Variants in SPON1 observed in about 807,000 individuals in gnomAD.
SPON1 encodes spondin 1.
Under a neutral mutation model 111.7 loss-of-function variants are expected in SPON1, and 52 were observed. The observed-to-expected ratio is 0.47, with a 90% CI of 0.37 to 0.59. SPON1 has a LOEUF of 0.59. Ranked by LOEUF, SPON1 falls within the 20% of genes least tolerant of loss-of-function variation. The probability of loss-of-function intolerance (pLI) is 0.00; values close to 1 mark genes in which losing one functional copy is unlikely to be tolerated. For missense variants in SPON1, 957 were observed against 1,068.5 expected (o/e 0.90, Z 1.46); for synonymous variants, 410 against 395.8 (o/e 1.04, Z -0.43).
chr11:14,174,815 T>G, intron 6 of SPON1, among the ~76,000 whole-genome samples: 1 of 152,170 alleles, frequency 6.6e-6, no homozygotes. Flanking sequence ...AAGCTGATTT[T>G]TAATCATAGT....
At chr11:14,165,591 A>G (rs1848020062) in intron 6 of SPON1, among the ~76,000 whole-genome samples, 1 of 152,224 alleles carries the variant, frequency 6.6e-6, no homozygotes, top group Admixed American at 6.5e-5. Flanking sequence ...ACAATTCCCA[A>G]TTTTAAAAGC....
intron 3 of SPON1, among the ~76,000 whole-genome samples, chr11:14,043,079 T>G (rs1214767542): frequency 6.6e-6 from 1 of 152,208 alleles, no homozygotes; most frequent in Non-Finnish European, 1.5e-5. Context: ...AACATGTCTA[T>G]AGTATCTAGT....
At chr11:14,042,593 A>G (rs573783537) in intron 3 of SPON1, among the ~76,000 whole-genome samples, 1 of 152,294 alleles carries the variant, frequency 6.6e-6, no homozygotes, top group Non-Finnish European at 1.5e-5. Flanking sequence ...CTAGCATCCA[A>G]GAAGTCACTT....
intron 6 of SPON1, among the ~76,000 whole-genome samples, chr11:14,177,104 C>A (rs6486174): frequency 6.6e-6 from 1 of 152,008 alleles, no homozygotes; most frequent in Non-Finnish European, 1.5e-5. Context: ...GCAGTGGCGC[C>A]ATCTCAGCTC....
At chr11:14,172,413 T>C (rs1336157360) in intron 6 of SPON1, among the ~76,000 whole-genome samples, 1 of 151,866 alleles carries the variant, frequency 6.6e-6, no homozygotes, top group Non-Finnish European at 1.5e-5. Flanking sequence ...GTTTCCTGAA[T>C]ACAGCACACT....
rs138949367 is a variant in SPON1 at position 14,181,128 on chromosome 11, G to T, written c.825+45560G>T. On this transcript the variant is annotated intron_variant, in intron 6 of 15. Coordinates refer to ENST00000576479, the MANE Select transcript of SPON1 (RefSeq NM_006108.4). ...TAGGCATGAACTCCAGAAGGAAAAA[G>T]ATTTCTGTCCAAAGGCTGATTTCAG... is the stretch of plus-strand genomic sequence containing the variant. 5.8e-4 allele frequency among the ~76,000 whole-genome samples: 88 copies of T among 152,250 alleles called. No homozygotes were observed. The East Asian group carries it at 0.017, about 29-fold the overall frequency.
In SPON1 at chr11:14,057,839, A is replaced by AAAAC. The variant is rs1554919402; in HGVS notation, c.479+16188_479+16189insCAAA. ...GTGAGACCTTGTCTCTACAAAAAAA[A>AAAAC]AAAACAAAACAAAAACTTAAAAATA... On this transcript the variant is annotated intron_variant, in intron 3 of 15. Transcript: ENST00000576479. Among the ~76,000 whole-genome samples the AAAAC allele has an allele frequency of 2.8e-4, 34 of 121,216 alleles. 1 individual carries two copies. Among genetic ancestry groups the AAAAC allele is most frequent in the Admixed American group, 9.0e-4 (11 of 12,278 alleles). 79.5% of individuals were successfully genotyped at this position (121,216 alleles called of 152,430 possible).
chr11:14,148,012 G>GTAC (rs1847743402), intron 6 of SPON1, among the ~76,000 whole-genome samples: 1 of 152,112 alleles, frequency 6.6e-6, no homozygotes, highest in African/African-American at 2.4e-5. Context: ...TATTGTCAGA[G>GTAC]GTGTAGGGAA....
At chr11:14,073,180 A>G (rs1329895942) in intron 3 of SPON1, among the ~76,000 whole-genome samples, 1 of 152,136 alleles carries the variant, frequency 6.6e-6, no homozygotes, top group East Asian at 1.9e-4. Flanking sequence ...TGTGCCTAAA[A>G]CAAGTTTGTG....
chr11:14,238,255 G>A (rs1848888051), intron 6 of SPON1, among the ~76,000 whole-genome samples: 1 of 152,176 alleles, frequency 6.6e-6, no homozygotes, highest in African/African-American at 2.4e-5. Context: ...GAGGAGAGAT[G>A]GTAGGGGCAT....
intron 5 of SPON1, among the ~76,000 whole-genome samples, chr11:14,087,034 T>G (rs1301394708): frequency 6.6e-6 from 1 of 152,188 alleles, no homozygotes; most frequent in African/African-American, 2.4e-5. Flanking sequence ...TTCTTCTCTC[T>G]TTTCTTCTTT....
At chr11:14,099,943 C>T (rs977370551) in intron 5 of SPON1, among the ~76,000 whole-genome samples, 5 of 151,974 alleles carry the variant, frequency 3.3e-5, no homozygotes, top group Non-Finnish European at 5.9e-5. Flanking sequence ...ACTACCAGAG[C>T]GAGAACTCAC....
At chr11:14,256,736 T>C in intron 10 of SPON1, 44 bp downstream of exon 10, 1 of 1,510,536 alleles carries the variant, frequency 6.6e-7, no homozygotes, top group East Asian at 2.3e-5. Context: ...TAAATTGACA[T>C]AACCCTTTGA....
chr11:14,056,255 GCA>G (rs1387367700), intron 3 of SPON1, among the ~76,000 whole-genome samples: 3 of 152,206 alleles, frequency 2.0e-5, no homozygotes, highest in Non-Finnish European at 4.4e-5. Flanking sequence ...ACACTTCCTG[GCA>G]CAGAATAAGC....
intron 7 of SPON1, among the ~76,000 whole-genome samples, chr11:14,244,470 A>G (rs1313866736): frequency 6.6e-6 from 1 of 151,646 alleles, no homozygotes; most frequent in Non-Finnish European, 1.5e-5. Context: ...GTGAGCTGAG[A>G]TCGCACCACT....
intron 2 of SPON1, among the ~76,000 whole-genome samples, chr11:14,013,550 A>G (rs1385511001): frequency 1.3e-5 from 2 of 152,182 alleles, no homozygotes; most frequent in Non-Finnish European, 2.9e-5. Context: ...AATTGCCTGA[A>G]GTCCCATTGA....
intron 2 of SPON1, among the ~76,000 whole-genome samples, chr11:14,034,959 T>C (rs557742188): frequency 2.6e-5 from 4 of 152,332 alleles, no homozygotes; most frequent in African/African-American, 9.6e-5. Flanking sequence ...GCAAACAGGG[T>C]CCTCACTGGA....
At chr11:13,993,261 C>T (rs550204016) in intron 2 of SPON1, among the ~76,000 whole-genome samples, 1 of 151,966 alleles carries the variant, frequency 6.6e-6, no homozygotes, top group Non-Finnish European at 1.5e-5. Context: ...CCAAAGAAGG[C>T]CGAGGAGAAG....
Position 14,262,907 on chromosome 11 carries a change from G to A in SPON1, c.2192G>A (p.Trp731Ter). The A allele has an allele frequency of 1.9e-6, 3 of 1,613,916 alleles. No individual in the cohort carries two copies. Among genetic ancestry groups the A allele is most frequent in the Non-Finnish European group, 2.5e-6 (3 of 1,179,896 alleles). ...LRNPSIQKLR[W>*]REARESRRSE... ...AATCCATCCATCCAAAAGCTACGCTGGAGGGAGGCCCGAGAGAGCCGGCGG... is the reference window on the plus strand; with the variant it reads ...AATCCATCCATCCAAAAGCTACGCTAGAGGGAGGCCCGAGAGAGCCGGCGG... Residue 731 changes from tryptophan to a stop codon, truncating the protein, a stop_gained, in exon 15 of 16, where the codon TGG (tryptophan) becomes TAG (stop). Transcript: ENST00000576479. LOFTEE classifies it high-confidence loss of function.
Sources: allele counts gnomAD v4.1 joint callset (sites outside exome capture counted in the v4.1 genomes callset), GRCh38; gene constraint gnomAD v4.1.1; transcripts MANE v1.5; gene names NCBI Gene and HGNC (gene_info 2026-07-23, HGNC 2026-07-21).